RXFP1: variants seen among roughly 807,000 people sequenced by gnomAD.
RXFP1 encodes relaxin receptor 1.
RXFP1 carries 73 observed loss-of-function variants against 89.8 expected under a neutral mutation model. The ratio of observed to expected loss-of-function variants is 0.81; its 90% CI spans 0.67 to 0.99. The LOEUF (loss-of-function observed/expected upper bound fraction) is 0.99. Among genes scored for constraint, RXFP1 ranks in the 50% least tolerant of loss-of-function variants. The probability of loss-of-function intolerance (pLI) is 0.00; values close to 1 mark genes in which losing one functional copy is unlikely to be tolerated. For missense variants in RXFP1, 793 were observed against 895.5 expected (o/e 0.89, Z 1.46); for synonymous variants, 277 against 305.5 (o/e 0.91, Z 0.97).
At chr4:158,590,316 C>CA (rs1759179484) in intron 2 of RXFP1, among the ~76,000 whole-genome samples, 1 of 152,132 alleles carries the variant, frequency 6.6e-6, no homozygotes, top group Non-Finnish European at 1.5e-5. Context: ...AGGCATGTAT[C>CA]ACCATGGCTG....
intron 9 of RXFP1, among the ~76,000 whole-genome samples, chr4:158,617,830 C>G (rs1197501142): frequency 1.3e-5 from 2 of 152,102 alleles, no homozygotes; most frequent in South Asian, 2.1e-4. Context: ...TGAAAACTCC[C>G]TCTGTCTCTT....
chr4:158,532,043 G>T (rs1245946023), intron 1 of RXFP1, among the ~76,000 whole-genome samples: 1 of 152,100 alleles, frequency 6.6e-6, no homozygotes, highest in South Asian at 2.1e-4. Flanking sequence ...CCCAAGTAAT[G>T]AACATACTGC....
intron 1 of RXFP1, among the ~76,000 whole-genome samples, chr4:158,545,832 A>G (rs1748196372): frequency 6.6e-6 from 1 of 152,308 alleles, no homozygotes; most frequent in Non-Finnish European, 1.5e-5. Context: ...TACCAGTGCC[A>G]TGCTGTTTTG....
At chr4:158,635,919 C>T (rs1210930734) in intron 12 of RXFP1, among the ~76,000 whole-genome samples, 1 of 151,968 alleles carries the variant, frequency 6.6e-6, no homozygotes, top group Non-Finnish European at 1.5e-5. Context: ...TATTGGACTT[C>T]AAGGCTCATG....
chr4:158,598,069 G>A, intron 3 of RXFP1, among the ~76,000 whole-genome samples: 1 of 152,136 alleles, frequency 6.6e-6, no homozygotes, highest in East Asian at 1.9e-4. Flanking sequence ...GAGCCAAAAA[G>A]CTCCTCATGA....
At chr4:158,597,782 C>A (rs1760923124) in intron 3 of RXFP1, among the ~76,000 whole-genome samples, 2 of 152,120 alleles carry the variant, frequency 1.3e-5, no homozygotes, top group Admixed American at 1.3e-4. Flanking sequence ...ATTCTCAGGA[C>A]CTTTCTTCCT....
At chr4:158,558,166 T>A (rs1224176507) in intron 1 of RXFP1, among the ~76,000 whole-genome samples, 1 of 152,212 alleles carries the variant, frequency 6.6e-6, no homozygotes, top group Non-Finnish European at 1.5e-5. Flanking sequence ...TAGGAGTAAA[T>A]AAGTTTACTT....
chr4:158,645,171 T>C (rs1170227076), intron 15 of RXFP1, 33 bp downstream of exon 15: 1 of 1,489,630 alleles, frequency 6.7e-7, no homozygotes, highest in Admixed American at 1.7e-5. Flanking sequence ...AGAATTGTAG[T>C]TTTGAAATAT....
At chr4:158,549,850 G>C (rs1422772767) in intron 1 of RXFP1, among the ~76,000 whole-genome samples, 2 of 152,242 alleles carry the variant, frequency 1.3e-5, no homozygotes, top group Non-Finnish European at 2.9e-5. Context: ...TGAGGTGTCA[G>C]TCTGCCCCTA....
At chr4:158,568,226 C>T (rs550184778) in intron 1 of RXFP1, among the ~76,000 whole-genome samples, 7 of 152,276 alleles carry the variant, frequency 4.6e-5, no homozygotes, top group Admixed American at 2.0e-4. Flanking sequence ...ACACTCAACG[C>T]GAGGGTCTGC....
At chr4:158,615,617 A>G (rs1448375491) in intron 8 of RXFP1, among the ~76,000 whole-genome samples, 1 of 152,054 alleles carries the variant, frequency 6.6e-6, no homozygotes, top group African/African-American at 2.4e-5. Flanking sequence ...ATCAAAGATC[A>G]CTGATCACAG....
intron 16 of RXFP1, 121 bp downstream of exon 16, chr4:158,647,322 T>C (rs1771762232): frequency 1.3e-6 from 1 of 741,874 alleles, no homozygotes; most frequent in African/African-American, 1.8e-5. Flanking sequence ...CTCCCCAAAT[T>C]ATACTCTGAT....
intron 9 of RXFP1, among the ~76,000 whole-genome samples, chr4:158,618,671 G>C (rs1296478692): frequency 6.6e-6 from 1 of 152,014 alleles, no homozygotes; most frequent in Non-Finnish European, 1.5e-5. Context: ...AAATCTGACA[G>C]ATTTCTTGGC....
intron 2 of RXFP1, among the ~76,000 whole-genome samples, chr4:158,578,560 G>A (rs904334161): frequency 3.9e-5 from 6 of 152,136 alleles, no homozygotes; most frequent in Non-Finnish European, 7.4e-5. Flanking sequence ...TGTTAAATTA[G>A]TTCACTTCCT....
intron 2 of RXFP1, among the ~76,000 whole-genome samples, chr4:158,579,807 C>T (rs976697640): frequency 3.9e-5 from 6 of 152,198 alleles, no homozygotes; most frequent in Admixed American, 3.3e-4. Context: ...ATAAAACCTC[C>T]TAAAGATGAT....
At chr4:158,534,163 G>A (rs1465940731) in intron 1 of RXFP1, among the ~76,000 whole-genome samples, 1 of 151,900 alleles carries the variant, frequency 6.6e-6, no homozygotes, top group East Asian at 1.9e-4. Context: ...AATTGTGGCA[G>A]ATTTTTAATG....
At chr4:158,529,999 G>A (rs928243948) in intron 1 of RXFP1, among the ~76,000 whole-genome samples, 2 of 152,088 alleles carry the variant, frequency 1.3e-5, no homozygotes, top group Non-Finnish European at 2.9e-5. Flanking sequence ...ATTTTTGGCC[G>A]ATTTTTTTCA....
At position 158,579,466 on chromosome 4, in the gene RXFP1, G is replaced by A. The variant is rs539061123; in HGVS notation, c.187+6631G>A. Among the ~76,000 whole-genome samples the A allele has an allele frequency of 8.5e-5, 13 of 152,244 alleles. No homozygotes were observed. In the South Asian group the frequency reaches 1.9e-3, roughly 22 times the overall value. On this transcript the variant is annotated intron_variant, in intron 2 of 17. Transcript: ENST00000307765. Reference sequence around the variant, plus strand: ...TATTTAATAGAGATGGGGTTTCACCGTGTTGGCGAGGATGGTCTCGATCTC... The same window carrying A: ...TATTTAATAGAGATGGGGTTTCACCATGTTGGCGAGGATGGTCTCGATCTC...
intron 1 of RXFP1, among the ~76,000 whole-genome samples, chr4:158,568,315 C>T (rs1392127344): frequency 4.6e-5 from 7 of 152,162 alleles, no homozygotes; most frequent in Admixed American, 3.3e-4. Flanking sequence ...CTATATCTGC[C>T]ACTAAATATA....
Sources: allele counts gnomAD v4.1 joint callset (sites outside exome capture counted in the v4.1 genomes callset), GRCh38; gene constraint gnomAD v4.1.1; transcripts MANE v1.5; gene names NCBI Gene and HGNC (gene_info 2026-07-23, HGNC 2026-07-21).